WDR7: variants seen among roughly 807,000 people sequenced by gnomAD.
The protein encoded by WDR7 is WD repeat domain 7, also known as WD repeat-containing protein 7.
Under a neutral mutation model 169.4 loss-of-function variants are expected in WDR7, and 46 were observed. The observed-to-expected ratio is 0.27, with a 90% CI of 0.21 to 0.35. The LOEUF is 0.35. Among genes scored for constraint, WDR7 ranks in the 10% least tolerant of loss-of-function variants. The pLI is 1.00. For synonymous variants in WDR7, 612 were observed against 666.8 expected (o/e 0.92, Z 1.27); for missense variants, 1,534 against 1,859.3 (o/e 0.83, Z 3.22).
chr18:56,757,494 A>G (rs1391305381), intron 15 of WDR7, 142 bp downstream of exon 15: 4 of 810,798 alleles, frequency 4.9e-6, no homozygotes, highest in Non-Finnish European at 7.2e-6. Context: ...TTTACATTTT[A>G]AAACACCAGT....
intron 20 of WDR7, among the ~76,000 whole-genome samples, chr18:56,854,141 A>G (rs1201327528): frequency 1.3e-5 from 2 of 152,196 alleles, no homozygotes; most frequent in Non-Finnish European, 2.9e-5. Context: ...TCTCCCCTCC[A>G]GCAAGCAAAC....
At chr18:56,953,657 A>G (rs552021120) in intron 25 of WDR7, among the ~76,000 whole-genome samples, 1 of 152,354 alleles carries the variant, frequency 6.6e-6, no homozygotes, top group Admixed American at 6.5e-5. Context: ...ACTATGAGAA[A>G]AGAGTGTCCA....
At chr18:56,690,681 G>T (rs917923698) in intron 7 of WDR7, among the ~76,000 whole-genome samples, 3 of 152,026 alleles carry the variant, frequency 2.0e-5, no homozygotes, top group Non-Finnish European at 4.4e-5. Context: ...AGTTAGCAGG[G>T]CATGGTGGCA....
chr18:56,749,141 A>G (rs2043748914), intron 14 of WDR7, among the ~76,000 whole-genome samples: 1 of 152,204 alleles, frequency 6.6e-6, no homozygotes, highest in East Asian at 1.9e-4. Context: ...ATTCTTTTAA[A>G]AACTTTTATT....
intron 19 of WDR7, among the ~76,000 whole-genome samples, chr18:56,793,961 T>G (rs1195235397): frequency 6.6e-6 from 1 of 152,190 alleles, no homozygotes; most frequent in Non-Finnish European, 1.5e-5. Context: ...GTGAATCTTT[T>G]TTTCTTATTT....
At chr18:57,019,123 TATGTG>T (rs1199312583) in intron 26 of WDR7, among the ~76,000 whole-genome samples, 2 of 152,182 alleles carry the variant, frequency 1.3e-5, no homozygotes, top group Non-Finnish European at 2.9e-5. Context: ...GATTCTGAGA[TATGTG>T]ATTAAGGCAG....
At chr18:56,809,152 A>T (rs756905735) in intron 19 of WDR7, among the ~76,000 whole-genome samples, 1 of 152,026 alleles carries the variant, frequency 6.6e-6, no homozygotes, top group Admixed American at 6.6e-5. Context: ...TATAATGTAC[A>T]TTGGTTTTTT....
At chr18:56,816,706 G>A (rs117478529) in intron 20 of WDR7, among the ~76,000 whole-genome samples, 1 of 148,824 alleles carries the variant, frequency 6.7e-6, no homozygotes, top group South Asian at 2.1e-4. Context: ...TAAATGTTTA[G>A]CCCGTCTTTT....
intron 26 of WDR7, among the ~76,000 whole-genome samples, chr18:57,019,070 T>C (rs2048247901): frequency 6.6e-6 from 1 of 152,166 alleles, no homozygotes; most frequent in Non-Finnish European, 1.5e-5. Context: ...TGCCACAGTC[T>C]GAAGTCTGTG....
chr18:56,869,568 G>A (rs2045926378), intron 20 of WDR7, among the ~76,000 whole-genome samples: 1 of 152,118 alleles, frequency 6.6e-6, no homozygotes, highest in Admixed American at 6.6e-5. Context: ...AATACAGTGG[G>A]GGAAAATCTA....
chr18:56,712,051 A>G (rs891701140), intron 12 of WDR7, among the ~76,000 whole-genome samples: 2 of 152,224 alleles, frequency 1.3e-5, no homozygotes, highest in Admixed American at 1.3e-4. Context: ...GGCACATAAG[A>G]CCATTGCTTC....
At chr18:57,016,119 C>A (rs2145927380) in intron 26 of WDR7, among the ~76,000 whole-genome samples, 1 of 152,230 alleles carries the variant, frequency 6.6e-6, no homozygotes, top group Non-Finnish European at 1.5e-5. Context: ...GCTCAGCAGA[C>A]CTTTCAAGCG....
intron 26 of WDR7, among the ~76,000 whole-genome samples, chr18:56,968,294 A>G (rs948888781): frequency 1.3e-5 from 2 of 152,312 alleles, no homozygotes; most frequent in Non-Finnish European, 2.9e-5. Context: ...ATGTTGTTCA[A>G]CTAAAAAACT....
intron 14 of WDR7, among the ~76,000 whole-genome samples, chr18:56,746,182 T>C (rs2043699888): frequency 2.0e-5 from 3 of 152,244 alleles, no homozygotes; most frequent in African/African-American, 7.2e-5. Context: ...ACTGAAATTC[T>C]ATATGATGCT....
chr18:56,969,538 C>T (rs1029460958), intron 26 of WDR7, among the ~76,000 whole-genome samples: 1 of 152,150 alleles, frequency 6.6e-6, no homozygotes, highest in Non-Finnish European at 1.5e-5. Flanking sequence ...GTTCCAGTTA[C>T]ATTTATCTTT....
chr18:56,808,405 T>A (rs1297591742), intron 19 of WDR7, among the ~76,000 whole-genome samples: 1 of 152,188 alleles, frequency 6.6e-6, no homozygotes, highest in Non-Finnish European at 1.5e-5. Flanking sequence ...GGATCTATTT[T>A]TCAATCTCAG....
chr18:57,027,214 T>A lies in WDR7; in HGVS notation c.*7T>A, dbSNP rs973763011. 4 of 1,609,242 alleles carry A rather than the reference T, an allele frequency of 2.5e-6. No individual in the cohort carries two copies. The African/African-American group carries it at 5.3e-5, about 22-fold the overall frequency. ...GCACCGCTTCATGGTCTAATGCTGCTGCCTGCCGCCGTGACTGCGTTTTAG... is the reference window on the plus strand; with the variant it reads ...GCACCGCTTCATGGTCTAATGCTGCAGCCTGCCGCCGTGACTGCGTTTTAG... On this transcript the variant is annotated 3_prime_UTR_variant, in exon 28 of 28. Coordinates refer to ENST00000254442, the MANE Select transcript of WDR7 (RefSeq NM_015285.3).
chr18:56,757,473 G>T (rs1293082043), intron 15 of WDR7, 121 bp downstream of exon 15: 3 of 1,006,958 alleles, frequency 3.0e-6, no homozygotes, highest in Non-Finnish European at 4.2e-6. Flanking sequence ...TGTCATCTCA[G>T]TTGTTTCCCT....
chr18:56,815,062 GC>G (rs932307970), intron 19 of WDR7, among the ~76,000 whole-genome samples: 5 of 152,138 alleles, frequency 3.3e-5, no homozygotes, highest in African/African-American at 1.2e-4. Context: ...AGGTAGCAAG[GC>G]TGAATTTCAC....
Sources: gnomAD v4.1 joint callset for allele counts (sites outside exome capture counted in the v4.1 genomes callset) on GRCh38, gnomAD v4.1.1 for gene constraint, MANE v1.5 for transcripts, NCBI Gene and HGNC (gene_info 2026-07-23, HGNC 2026-07-21) for gene names.